GGA2: variants seen among roughly 807,000 people sequenced by gnomAD.
The protein encoded by GGA2 is ADP-ribosylation factor-binding protein GGA2.
In GGA2, 48 loss-of-function variants were observed where a neutral mutation model predicts 79.5. The ratio of observed to expected loss-of-function variants is 0.60; its 90% CI spans 0.48 to 0.77. The LOEUF is 0.77. Among genes scored for constraint, GGA2 ranks in the 30% least tolerant of loss-of-function variants. The pLI is 0.00. For missense variants in GGA2, 770 were observed against 774.0 expected (o/e 0.99, Z 0.06); for synonymous variants, 317 against 302.0 (o/e 1.05, Z -0.51).
intron 1 of GGA2, among the ~76,000 whole-genome samples, chr16:23,509,496 T>C (rs1316552166): frequency 6.6e-6 from 1 of 152,074 alleles, no homozygotes; most frequent in Admixed American, 6.6e-5. Context: ...CACTAAAAAA[T>C]GTTTTGGTGA....
At chr16:23,474,748 G>A (rs770426205) in intron 14 of GGA2, among the ~76,000 whole-genome samples, 156 bp downstream of exon 14, 28 of 151,858 alleles carry the variant, frequency 1.8e-4, no homozygotes, top group Non-Finnish European at 3.4e-4. Flanking sequence ...CACCATACCT[G>A]GCCACAACCT....
intron 8 of GGA2, among the ~76,000 whole-genome samples, chr16:23,483,634 TTTGA>T (rs1325921171): frequency 2.6e-5 from 4 of 151,862 alleles, no homozygotes; most frequent in Admixed American, 6.6e-5. Context: ...GTGGTTTCTT[TTTGA>T]TTGTTTGTTT....
At chr16:23,485,782 A>G (rs1964703805) in intron 8 of GGA2, among the ~76,000 whole-genome samples, 1 of 152,216 alleles carries the variant, frequency 6.6e-6, no homozygotes, top group Non-Finnish European at 1.5e-5. Context: ...CCATTTATAC[A>G]AGAGTCTGGG....
In GGA2 at chr16:23,486,740, T is replaced by A; in HGVS notation, c.630A>T (p.Ala210=). The A allele has an allele frequency of 6.2e-7, 1 of 1,611,314 alleles. No individual in the cohort carries two copies. Among genetic ancestry groups the A allele is most frequent in the Non-Finnish European group, 8.5e-7 (1 of 1,177,418 alleles). Residue 210 remains alanine (A), a synonymous_variant, in exon 7 of 17, where the codon GCA becomes GCT. Transcript: ENST00000309859. ...KSNHPEDLQA[A]NRLIKNLVKE... ...TGACCAAATTCTTGATTAACCGGTTTGCAGCCTGAAGGTCCTCGGGGTGGT... is the reference window on the plus strand; with the variant it reads ...TGACCAAATTCTTGATTAACCGGTTAGCAGCCTGAAGGTCCTCGGGGTGGT...
At chr16:23,506,017 G>T (rs1336796287) in intron 1 of GGA2, among the ~76,000 whole-genome samples, 4 of 152,058 alleles carry the variant, frequency 2.6e-5, no homozygotes, top group African/African-American at 9.7e-5. Context: ...AGCGCTTCTT[G>T]GGCACTTACT....
At chr16:23,516,867 C>CA (rs1222705290) in intron 2 of GGA2, among the ~76,000 whole-genome samples, 3 of 152,094 alleles carry the variant, frequency 2.0e-5, no homozygotes, top group African/African-American at 7.2e-5. Flanking sequence ...CCATAGAAAG[C>CA]CACCCTCTCC....
In GGA2 at chr16:23,465,221, A is replaced by G; in HGVS notation, c.*2369T>C. The G allele has an allele frequency of 4.7e-6, 3 of 643,814 alleles. No homozygotes were observed. The highest frequency in any genetic ancestry group is 1.7e-5 in the South Asian group (1 of 57,318). 39.9% of individuals were successfully genotyped at this position (643,814 alleles called of 1,614,324 possible). On this transcript the variant is annotated 3_prime_UTR_variant, in exon 17 of 17. Transcript: ENST00000309859. ...GGCTGGACTTGAAATCCTGGGCTCA[A>G]GCGGTCATCCCACTCAGCCTCCCAA...
chr16:23,486,940 G>T, intron 6 of GGA2, 150 bp from the exon 7 acceptor site: 1 of 658,898 alleles, frequency 1.5e-6, no homozygotes, highest in Non-Finnish European at 2.8e-6. Flanking sequence ...CTACGATGCA[G>T]GCACTCTGAC....
In GGA2 at chr16:23,469,951, C is replaced by A; in HGVS notation, c.1620+45G>T. On this transcript the variant is annotated intron_variant, in intron 15 of 16. Coordinates refer to ENST00000309859, the MANE Select transcript of GGA2 (RefSeq NM_015044.4). ...AAGTCCCAGAAAAGAACCTGGCACT[C>A]AAAAACGACAGCCATTACTGAGAAA... The A allele has an allele frequency of 2.1e-6, 3 of 1,405,894 alleles. No homozygotes were observed. In the South Asian group the frequency reaches 5.1e-5, roughly 24 times the overall value. The allele number at this position is 1,405,894 out of a possible 1,614,324, so 87.1% of individuals were successfully genotyped here.
Position 23,467,436 on chromosome 16 carries a change from A to C in GGA2, c.*154T>G. On this transcript the variant is annotated 3_prime_UTR_variant, in exon 17 of 17. Coordinates refer to ENST00000309859, the MANE Select transcript of GGA2 (RefSeq NM_015044.4). ...CACACACACACACACACACACACAG[A>C]GCATCTGCAGAATAAGTCAGAGGTT... 4 of 604,498 alleles carry C rather than the reference A, an allele frequency of 6.6e-6. No individual in the cohort carries two copies. In the South Asian group the frequency reaches 7.4e-5, roughly 11 times the overall value. 37.4% of individuals were successfully genotyped at this position (604,498 alleles called of 1,614,324 possible). A position where few individuals can be genotyped will look rare whatever the true frequency, so the allele number is the denominator to read the frequency against.
Position 23,486,056 on chromosome 16 carries a change from G to C in GGA2, c.757C>G (p.Arg253Gly). Residue 253 changes from arginine to glycine, a missense_variant, in exon 8 of 17, where the codon CGC becomes GGC. Arg to Gly is a moderately radical substitution (Grantham distance 125). Transcript: ENST00000309859. ...KVLQEMLSMY[R>G]RPGQAPPDQE... ...TCGGGCGGGGCCTGCCCTGGCCTGCGGTACATGCTCAGCATCTCCTGCAGC... is the reference window on the plus strand; with the variant it reads ...TCGGGCGGGGCCTGCCCTGGCCTGCCGTACATGCTCAGCATCTCCTGCAGC... 6.2e-7 allele frequency: 1 copy of C among 1,614,062 alleles called. No individual in the cohort carries two copies. The highest frequency in any genetic ancestry group is 8.5e-7 in the Non-Finnish European group (1 of 1,179,942).
At position 23,465,256 on chromosome 16, in the gene GGA2, A is replaced by G. The variant is rs1213750936; in HGVS notation, c.*2334T>C. The G allele has an allele frequency of 4.4e-6, 3 of 684,924 alleles. No individual in the cohort carries two copies. The highest frequency in any genetic ancestry group is 1.5e-5 in the South Asian group (1 of 64,558). The allele number at this position is 684,924 out of a possible 1,614,324, so 42.4% of individuals were successfully genotyped here. A position where few individuals can be genotyped will look rare whatever the true frequency, so the allele number is the denominator to read the frequency against. Reference sequence around the variant, plus strand: ...CCACTCAGCCTCCCAAAATGCTGGGATTATAGGCGTGAGCCACTGTGCACA... The same window carrying G: ...CCACTCAGCCTCCCAAAATGCTGGGGTTATAGGCGTGAGCCACTGTGCACA... On this transcript the variant is annotated 3_prime_UTR_variant, in exon 17 of 17. Coordinates refer to ENST00000309859, the MANE Select transcript of GGA2 (RefSeq NM_015044.4).
Position 23,464,992 on chromosome 16 carries a change from G to T in GGA2, c.*2598C>A. On this transcript the variant is annotated 3_prime_UTR_variant, in exon 17 of 17. Transcript: ENST00000309859. Reference sequence around the variant, plus strand: ...GGAAAAAGAGCAGTCACGGAGGTAGGTCACGAAATGGGTCAACAGGACCCC... The same window carrying T: ...GGAAAAAGAGCAGTCACGGAGGTAGTTCACGAAATGGGTCAACAGGACCCC... 3.4e-6 allele frequency: 1 copy of T among 294,260 alleles called. No homozygotes were observed. The allele number at this position is 294,260 out of a possible 1,614,324, so 18.2% of individuals were successfully genotyped here. A position where few individuals can be genotyped will look rare whatever the true frequency, so the allele number is the denominator to read the frequency against.
intron 2 of GGA2, chr16:23,519,530 T>C (rs1293955664): frequency 2.9e-6 from 1 of 348,914 alleles, no homozygotes. Flanking sequence ...CCCTGCGAGT[T>C]TGTATGTGGA....
In GGA2 at chr16:23,481,642, G is replaced by A. The variant is rs139018883; in HGVS notation, c.881-872C>T. Among the ~76,000 whole-genome samples, 701 of 152,086 alleles carry A rather than the reference G, an allele frequency of 4.6e-3. 5 individuals are homozygous for A. The highest frequency in any genetic ancestry group is 0.016 in the African/African-American group (678 of 41,500). ...ACAAAAATTAGCCAGGTGTGGTGGT[G>A]CGCAACTGTAGTCCCAGCTACTCAG... On this transcript the variant is annotated intron_variant, in intron 9 of 16. Transcript: ENST00000309859.
At chr16:23,511,410 C>T (rs1036390531), upstream of GGA2, among the ~76,000 whole-genome samples, 4 of 151,850 alleles carry the variant, frequency 2.6e-5, no homozygotes, top group Non-Finnish European at 4.4e-5. Context: ...CTGCCCGCTT[C>T]GCCCTCCCAA....
chr16:23,470,048 C>A lies in GGA2; in HGVS notation c.1568G>T (p.Ser523Ile). 1 of 1,603,658 alleles carries A rather than the reference C, an allele frequency of 6.2e-7. No homozygotes were observed. The highest frequency in any genetic ancestry group is 8.5e-7 in the Non-Finnish European group (1 of 1,175,278). ...ATCCCAGACAGGCTGGGGAGCCGTGCTCATCATGGTCAAGAGCAGCACCTG... is the reference window on the plus strand; with the variant it reads ...ATCCCAGACAGGCTGGGGAGCCGTGATCATCATGGTCAAGAGCAGCACCTG... ...EVQVLLLTMM[S>I]TAPQPVWDIM... Residue 523 changes from serine (S) to isoleucine (I), a missense_variant, in exon 15 of 17, where the codon AGC (serine) becomes ATC (isoleucine). Physicochemically the swap from Ser to Ile is moderately radical, Grantham distance 142. Coordinates refer to ENST00000309859, the MANE Select transcript of GGA2 (RefSeq NM_015044.4).
At chr16:23,511,304 C>T (rs1276731287), upstream of GGA2, among the ~76,000 whole-genome samples, 1 of 121,702 alleles carries the variant, frequency 8.2e-6, no homozygotes, top group African/African-American at 3.3e-5. Flanking sequence ...AGGTGCATGC[C>T]ACCACACCCA....
chr16:23,500,310 G>A (rs1964906459), intron 1 of GGA2, among the ~76,000 whole-genome samples: 1 of 152,220 alleles, frequency 6.6e-6, no homozygotes, highest in African/African-American at 2.4e-5. Flanking sequence ...TACCGGAGAG[G>A]AGCCAGGAGC....
Sources: gnomAD v4.1 joint callset for allele counts (sites outside exome capture counted in the v4.1 genomes callset) on GRCh38, gnomAD v4.1.1 for gene constraint, MANE v1.5 for transcripts, NCBI Gene and HGNC (gene_info 2026-07-23, HGNC 2026-07-21) for gene names.